The following SHPRH variants were observed in gnomAD, a reference collection of about 807,000 sequenced individuals.
SHPRH encodes the protein SNF2 histone linker PHD RING helicase.
SHPRH carries 106 observed loss-of-function variants against 202.5 expected under a neutral mutation model. The observed-to-expected ratio is 0.52, with a 90% CI of 0.45 to 0.62. The LOEUF is 0.62. Ranked by LOEUF, SHPRH falls within the 20% of genes least tolerant of loss-of-function variation. The probability of loss-of-function intolerance (pLI) is 0.00; values close to 1 mark genes in which losing one functional copy is unlikely to be tolerated. For synonymous variants in SHPRH, 729 were observed against 686.0 expected (o/e 1.06, Z -0.98); for missense variants, 1,710 against 2,020.0 (o/e 0.85, Z 2.94).
chr6:145,887,801 T>G (rs2814880), intron 29 of SHPRH, among the ~76,000 whole-genome samples: 56,329 of 152,052 alleles, frequency 0.37, 10,958 homozygotes, highest in South Asian at 0.49. Flanking sequence ...AGGAATGTAG[T>G]ATAGTTTATA....
At chr6:145,943,025 C>A in intron 9 of SHPRH, 118 bp downstream of exon 9, 1 of 1,173,926 alleles carries the variant, frequency 8.5e-7, no homozygotes, top group South Asian at 1.6e-5. Context: ...TTTAACATTA[C>A]TATTAAATCA....
chr6:145,920,701 T>C (rs1325646894), intron 21 of SHPRH, among the ~76,000 whole-genome samples: 1 of 152,076 alleles, frequency 6.6e-6, no homozygotes, highest in Non-Finnish European at 1.5e-5. Flanking sequence ...TATAATATGA[T>C]GGAATCATTA....
intron 25 of SHPRH, among the ~76,000 whole-genome samples, chr6:145,896,667 A>T (rs1322944115): frequency 6.6e-6 from 1 of 151,982 alleles, no homozygotes; most frequent in East Asian, 1.9e-4. Context: ...GATACAAAAC[A>T]AGTCCGAAAT....
intron 25 of SHPRH, among the ~76,000 whole-genome samples, chr6:145,902,507 C>T (rs765763761): frequency 6.6e-6 from 1 of 152,056 alleles, no homozygotes; most frequent in Non-Finnish European, 1.5e-5. Context: ...GAAAAAAATT[C>T]TTCTAATAAA....
Position 145,939,183 on chromosome 6 carries a change from G to C in SHPRH, c.2569+1540C>G, listed in dbSNP as rs1415998283. Among the ~76,000 whole-genome samples the C allele has an allele frequency of 3.3e-5, 5 of 152,226 alleles. No individual in the cohort carries two copies. In the South Asian group the frequency reaches 8.3e-4, roughly 25 times the overall value. On this transcript the variant is annotated intron_variant, in intron 11 of 29. Coordinates refer to ENST00000275233, the MANE Select transcript of SHPRH (RefSeq NM_001042683.3). ...ACAACTAGAAAAAAAACATTTAATT[G>C]CAAGAATCAGAAAGATACCAGAGAG...
At chr6:145,952,896 T>C (rs1203168900) in intron 2 of SHPRH, among the ~76,000 whole-genome samples, 1 of 152,040 alleles carries the variant, frequency 6.6e-6, no homozygotes, top group Non-Finnish European at 1.5e-5. Context: ...CATTACTGAA[T>C]CAAACACTAA....
intron 24 of SHPRH, among the ~76,000 whole-genome samples, chr6:145,911,140 T>C (rs1306453764): frequency 1.3e-5 from 2 of 152,112 alleles, no homozygotes; most frequent in Admixed American, 6.6e-5. Context: ...ATTATTACTA[T>C]TATTTTTTAG....
At chr6:145,938,264 CT>C (rs957152990) in intron 11 of SHPRH, among the ~76,000 whole-genome samples, 2 of 152,146 alleles carry the variant, frequency 1.3e-5, no homozygotes, top group African/African-American at 4.8e-5. Context: ...AGTCCAGCCC[CT>C]GGTGCTTCTC....
chr6:145,890,112 TCTTC>T (rs1257241015), intron 28 of SHPRH, among the ~76,000 whole-genome samples: 1 of 152,168 alleles, frequency 6.6e-6, no homozygotes, highest in Non-Finnish European at 1.5e-5. Flanking sequence ...GATCTCATTC[TCTTC>T]CTTTTCTCTG....
Position 145,885,560 on chromosome 6 carries a change from T to C in SHPRH, c.*1131A>G, listed in dbSNP as rs1056666299. ...AGAAAAGGAAGCCAAATAAGAACAT[T>C]TGTATTACATCAAATGGCTAGGATG... On this transcript the variant is annotated 3_prime_UTR_variant, in exon 30 of 30. Coordinates refer to ENST00000275233, the MANE Select transcript of SHPRH (RefSeq NM_001042683.3). The C allele has an allele frequency of 6.6e-6, 1 of 152,138 alleles. No homozygotes were observed. The highest frequency in any genetic ancestry group is 2.4e-5 in the African/African-American group (1 of 41,444). The allele number at this position is 152,138 out of a possible 1,614,324, so 9.4% of individuals were successfully genotyped here. A position where few individuals can be genotyped will look rare whatever the true frequency, so the allele number is the denominator to read the frequency against.
intron 2 of SHPRH, chr6:145,877,644 C>T (rs554484449): frequency 2.6e-5 from 4 of 152,150 alleles, no homozygotes; most frequent in Non-Finnish European, 4.4e-5. Context: ...TTTGCAGATC[C>T]AGTGGATAAT....
At chr6:145,918,416 T>G (rs1784136496) in intron 22 of SHPRH, 184 bp from the exon 23 acceptor site, 1 of 365,192 alleles carries the variant, frequency 2.7e-6, no homozygotes, top group African/African-American at 2.1e-5. Context: ...TTTTTTTTTT[T>G]GCTTTATGAA....
At chr6:145,894,586 C>A (rs1272934756) in intron 26 of SHPRH, among the ~76,000 whole-genome samples, 1 of 151,262 alleles carries the variant, frequency 6.6e-6, no homozygotes, top group Non-Finnish European at 1.5e-5. Context: ...CTTTTTCAAC[C>A]CAAATTTTTG....
chr6:145,886,350 C>T lies in SHPRH; in HGVS notation c.*341G>A, dbSNP rs2128705874. The T allele has an allele frequency of 3.2e-6, 2 of 615,522 alleles. No individual in the cohort carries two copies. The highest frequency in any genetic ancestry group is 2.7e-5 in the East Asian group (1 of 37,242). 38.1% of individuals were successfully genotyped at this position (615,522 alleles called of 1,614,324 possible). ...GGTCATATAAAACTAGACTAGTTTA[C>T]TTTCTTATTCCAACTGTTTTATGAG... On this transcript the variant is annotated 3_prime_UTR_variant, in exon 30 of 30. Transcript: ENST00000275233.
In SHPRH at chr6:145,952,411, A is replaced by C; in HGVS notation, c.701T>G (p.Met234Arg). 1 of 1,611,120 alleles carries C rather than the reference A, an allele frequency of 6.2e-7. No homozygotes were observed. The highest frequency in any genetic ancestry group is 8.5e-7 in the Non-Finnish European group (1 of 1,178,368). ...LDFLSDANSR[M>R]KKFNQLMKKV... ...CTTCATGAGCTGATTGAACTTTTTCATTCTTGAATTTGCATCACTCAAGAA... is the reference window on the plus strand; with the variant it reads ...CTTCATGAGCTGATTGAACTTTTTCCTTCTTGAATTTGCATCACTCAAGAA... Residue 234 changes from methionine (M) to arginine (R), a missense_variant, in exon 3 of 30, where the codon ATG becomes AGG. This residue lies in a region of SHPRH where 459 missense variants were observed against 426.5 expected (regional missense o/e 1.08). Coordinates refer to ENST00000275233, the MANE Select transcript of SHPRH (RefSeq NM_001042683.3).
At chr6:145,935,561 G>T in intron 11 of SHPRH, 120 bp from the exon 12 acceptor site, 1 of 891,780 alleles carries the variant, frequency 1.1e-6, no homozygotes, top group Non-Finnish European at 1.7e-6. Flanking sequence ...AATACAGGCT[G>T]TATAGGCTCT....
At chr6:145,953,398 TA>T (rs1425870667) in intron 2 of SHPRH, among the ~76,000 whole-genome samples, 1 of 152,074 alleles carries the variant, frequency 6.6e-6, no homozygotes, top group Non-Finnish European at 1.5e-5. Flanking sequence ...ACTTGGTCTG[TA>T]GGGAACGTAG....
chr6:145,945,060 T>A (rs2128786917), intron 8 of SHPRH, among the ~76,000 whole-genome samples: 1 of 152,116 alleles, frequency 6.6e-6, no homozygotes, highest in Admixed American at 6.6e-5. Context: ...CTTAAAAAAA[T>A]AATAAAAATA....
At chr6:145,928,850 G>A (rs1785142576) in intron 14 of SHPRH, among the ~76,000 whole-genome samples, 1 of 150,536 alleles carries the variant, frequency 6.6e-6, no homozygotes, top group African/African-American at 2.5e-5. Context: ...TTTAAATAAG[G>A]GAGAAGATTA....
Sources: allele counts gnomAD v4.1 joint callset (sites outside exome capture counted in the v4.1 genomes callset), GRCh38; gene constraint gnomAD v4.1.1; regional missense constraint gnomAD v4.1.1; transcripts MANE v1.5; gene names NCBI Gene and HGNC (gene_info 2026-07-23, HGNC 2026-07-21).